The following ADD2 variants were observed in gnomAD, a reference collection of about 807,000 sequenced individuals.
ADD2 encodes the protein adducin 2.
Under a neutral mutation model 83.0 loss-of-function variants are expected in ADD2, and 23 were observed. The ratio of observed to expected loss-of-function variants is 0.28; its 90% CI spans 0.20 to 0.39. ADD2 has a LOEUF of 0.39. Ranked by LOEUF, ADD2 falls within the 10% of genes least tolerant of loss-of-function variation. ADD2 has a pLI of 1.00. For missense variants in ADD2, 758 were observed against 944.9 expected, an observed-to-expected ratio of 0.80 and a Z score of 2.59; for synonymous variants, 375 against 375.4, an observed-to-expected ratio of 1.00 and a Z score of 0.01.
chr2:70,675,744 G>A (rs1670103606), intron 13 of ADD2: 1 of 985,412 alleles, frequency 1.0e-6, no homozygotes, highest in Non-Finnish European at 1.2e-6. Flanking sequence ...GGAGGCCACA[G>A]TAGGCCTAAT....
intron 10 of ADD2, among the ~76,000 whole-genome samples, chr2:70,682,082 T>C (rs1358362588): frequency 6.6e-6 from 1 of 152,206 alleles, no homozygotes; most frequent in Non-Finnish European, 1.5e-5. Context: ...GATTTATAGA[T>C]TGATATTATT....
Position 70,661,317 on chromosome 2 carries a change from A to G in ADD2, c.*2108T>C, listed in dbSNP as rs1282638931. The G allele has an allele frequency of 6.6e-6, 1 of 152,222 alleles. No individual in the cohort carries two copies. The highest frequency in any genetic ancestry group is 1.5e-5 in the Non-Finnish European group (1 of 68,050). 9.4% of individuals were successfully genotyped at this position (152,222 alleles called of 1,614,324 possible). ...ATGCCTGGTGCTCAGTGGATCCTTAACAAATACCATGTAAGGATAAATGAA... is the reference window on the plus strand; with the variant it reads ...ATGCCTGGTGCTCAGTGGATCCTTAGCAAATACCATGTAAGGATAAATGAA... On this transcript the variant is annotated 3_prime_UTR_variant, in exon 16 of 16. Transcript: ENST00000264436.
chr2:70,681,244 T>C (rs1428890977), intron 10 of ADD2, among the ~76,000 whole-genome samples: 1 of 152,170 alleles, frequency 6.6e-6, no homozygotes, highest in Non-Finnish European at 1.5e-5. Context: ...GTCAGTTCTG[T>C]GGCCCTACCC....
intron 9 of ADD2, 144 bp from the exon 10 acceptor site, chr2:70,683,911 G>T (rs1369692495): frequency 1.5e-5 from 12 of 797,816 alleles, no homozygotes; most frequent in Non-Finnish European, 2.0e-5. Context: ...TACTTGATGG[G>T]CATGCCCCCA....
intron 1 of ADD2, among the ~76,000 whole-genome samples, chr2:70,740,909 A>G (rs905426361): frequency 1.3e-5 from 2 of 152,294 alleles, no homozygotes; most frequent in Admixed American, 1.3e-4. Context: ...CATGTTGGCC[A>G]GGCTGGTCTC....
Position 70,677,809 on chromosome 2 carries a change from T to C in ADD2, c.1452A>G (p.Gln484=), listed in dbSNP as rs1670244438. 3 of 1,614,070 alleles carry C rather than the reference T, an allele frequency of 1.9e-6. No individual in the cohort carries two copies. The highest frequency in any genetic ancestry group is 2.5e-6 in the Non-Finnish European group (3 of 1,180,046). The change falls in exon 12 of 16, where the codon CAA becomes CAG. Residue 484 remains glutamine, a synonymous_variant. Coordinates refer to ENST00000264436, the MANE Select transcript of ADD2 (RefSeq NM_001617.4). The stretch of plus-strand genomic sequence containing the variant: ...GGGGGTCAGTATAGAGAGGCACAAA[T>C]TGGTTTGGGTTTTCGATGCGAATCG... ...GMPIRIENPN[Q]FVPLYTDPQE...
intron 3 of ADD2, among the ~76,000 whole-genome samples, chr2:70,705,129 T>C (rs1671815016): frequency 6.6e-6 from 1 of 152,188 alleles, no homozygotes; most frequent in Non-Finnish European, 1.5e-5. Context: ...CCCTGAAATC[T>C]GGGCTGGTGC....
intron 10 of ADD2, among the ~76,000 whole-genome samples, chr2:70,681,920 G>T (rs1354365127): frequency 2.0e-5 from 3 of 152,036 alleles, no homozygotes; most frequent in Non-Finnish European, 4.4e-5. Flanking sequence ...GTCTTGCTAT[G>T]TTGCCCAGGC....
At chr2:70,705,887 T>C (rs1671860331) in intron 3 of ADD2, among the ~76,000 whole-genome samples, 1 of 152,178 alleles carries the variant, frequency 6.6e-6, no homozygotes, top group African/African-American at 2.4e-5. Flanking sequence ...GTCTCTAGTT[T>C]ACATGGATTT....
chr2:70,751,052 T>C (rs1221527495), intron 1 of ADD2, among the ~76,000 whole-genome samples: 1 of 152,210 alleles, frequency 6.6e-6, no homozygotes, highest in Non-Finnish European at 1.5e-5. Flanking sequence ...TGAATATAAA[T>C]GCCCTAAAGA....
intron 1 of ADD2, among the ~76,000 whole-genome samples, chr2:70,745,205 G>T (rs1674121093): frequency 6.6e-6 from 1 of 152,058 alleles, no homozygotes; most frequent in African/African-American, 2.4e-5. Context: ...AGAATGGTGT[G>T]AACCCGGAGG....
At chr2:70,675,699 C>T (rs1574225194) in intron 13 of ADD2, 16 of 985,324 alleles carry the variant, frequency 1.6e-5, no homozygotes, top group Middle Eastern at 5.2e-4. Context: ...TGCCCTGGCC[C>T]GCCAGGTCTT....
chr2:70,735,494 A>G (rs1553379925), intron 1 of ADD2, among the ~76,000 whole-genome samples: 1 of 152,040 alleles, frequency 6.6e-6, no homozygotes, highest in African/African-American at 2.4e-5. Flanking sequence ...CCACATACAC[A>G]GCTACCTCCA....
chr2:70,692,316 C>A, intron 7 of ADD2, 87 bp downstream of exon 7: 1 of 1,400,238 alleles, frequency 7.1e-7, no homozygotes, highest in East Asian at 2.6e-5. Context: ...AGTTCTAGAT[C>A]TTTCCAGACT....
rs569340513 is a variant in ADD2, at chr2:70,704,761, T to C, written c.184-302A>G. On this transcript the variant is annotated intron_variant, in intron 3 of 15. Coordinates refer to ENST00000264436, the MANE Select transcript of ADD2 (RefSeq NM_001617.4). ...GACCCCTCCCCACCATCAGACATGG[T>C]AGGACTTCACTTTAGTAATGAAGGA... Among the ~76,000 whole-genome samples, 3 of 152,320 alleles carry C rather than the reference T, an allele frequency of 2.0e-5. No homozygotes were observed. The East Asian group carries it at 5.8e-4, about 29-fold the overall frequency.
intron 1 of ADD2, among the ~76,000 whole-genome samples, chr2:70,751,300 C>G (rs923759191): frequency 6.6e-6 from 1 of 152,118 alleles, no homozygotes; most frequent in Non-Finnish European, 1.5e-5. Flanking sequence ...GGGATGAGGT[C>G]GGAGCAGCAG....
intron 1 of ADD2, among the ~76,000 whole-genome samples, chr2:70,715,274 G>C (rs1489295648): frequency 6.6e-6 from 1 of 152,140 alleles, no homozygotes; most frequent in Non-Finnish European, 1.5e-5. Context: ...CTGCCATCCT[G>C]GGGGAGTTTA....
chr2:70,706,502 T>C lies in ADD2; in HGVS notation c.-34-60A>G. On this transcript the variant is annotated intron_variant, in intron 2 of 15. Transcript: ENST00000264436. The surrounding 1 kb of genome is among the most constrained non-coding windows in gnomAD (Gnocchi z 5.0). ...GGTGCTCCCCATCGGGGTACACGTT[T>C]CTCAGAGCACAGGGCTAGGTTCAGT... 1 of 1,448,102 alleles carries C rather than the reference T, an allele frequency of 6.9e-7. No individual in the cohort carries two copies. Among genetic ancestry groups the C allele is most frequent in the Non-Finnish European group, 9.3e-7 (1 of 1,077,060 alleles). 89.7% of individuals were successfully genotyped at this position (1,448,102 alleles called of 1,614,324 possible).
chr2:70,721,636 C>T (rs1360231864), intron 1 of ADD2, among the ~76,000 whole-genome samples: 2 of 152,196 alleles, frequency 1.3e-5, no homozygotes, highest in African/African-American at 2.4e-5. Flanking sequence ...GAGAAAGCCA[C>T]GTGTTTTCTG....
Sources: allele counts gnomAD v4.1 joint callset (sites outside exome capture counted in the v4.1 genomes callset), GRCh38; gene constraint gnomAD v4.1.1; non-coding constraint Gnocchi (gnomAD v3.1); transcripts MANE v1.5; gene names NCBI Gene and HGNC (gene_info 2026-07-23, HGNC 2026-07-21).